The following TRUB1 variants were observed in gnomAD, a reference collection of about 807,000 sequenced individuals.
TRUB1 encodes TruB pseudouridine synthase family member 1, also known as pseudouridylate synthase TRUB1.
TRUB1 carries 23 observed loss-of-function variants against 33.9 expected under a neutral mutation model. The observed-to-expected ratio is 0.68, with a 90% CI of 0.49 to 0.96. The LOEUF is 0.96. Ranked by LOEUF, TRUB1 falls within the 40% of genes least tolerant of loss-of-function variation. The pLI is 0.00. For missense variants in TRUB1, 378 were observed against 422.2 expected (o/e 0.90, Z 0.92); for synonymous variants, 163 against 165.4 (o/e 0.99, Z 0.11).
rs539564483 is a variant in TRUB1 at position 114,962,822 on chromosome 10, A to G, written c.523+3015A>G. ...GTGTATTTTTGGTGTGGTATACGGC[A>G]TACAGAATGACATATATGACATATA... On this transcript the variant is annotated intron_variant, in intron 4 of 7. Transcript: ENST00000298746. Among the ~76,000 whole-genome samples, 525 of 152,322 alleles carry G rather than the reference A, an allele frequency of 3.4e-3. 4 individuals carry two copies. The highest frequency in any genetic ancestry group is 0.012 in the African/African-American group (507 of 41,578).
intron 4 of TRUB1, among the ~76,000 whole-genome samples, chr10:114,965,192 G>A (rs968584329): frequency 6.6e-5 from 10 of 151,928 alleles, no homozygotes; most frequent in Non-Finnish European, 1.3e-4. Flanking sequence ...GCCTCCCAAA[G>A]TGCTGAGATT....
chr10:114,957,288 T>C (rs1203435240), intron 3 of TRUB1, among the ~76,000 whole-genome samples: 1 of 152,178 alleles, frequency 6.6e-6, no homozygotes, highest in Non-Finnish European at 1.5e-5. Context: ...ATGTGTGATA[T>C]GAGAGCTCAG....
intron 4 of TRUB1, among the ~76,000 whole-genome samples, chr10:114,960,502 A>G (rs568141721): frequency 7.4e-4 from 113 of 152,288 alleles, no homozygotes; most frequent in Non-Finnish European, 5.3e-4. Context: ...TCTCTTAGTC[A>G]TAGGCAAGCC....
At chr10:114,964,501 G>A (rs550973226) in intron 4 of TRUB1, among the ~76,000 whole-genome samples, 2 of 151,994 alleles carry the variant, frequency 1.3e-5, no homozygotes, top group East Asian at 3.9e-4. Context: ...TTCCTCTCTT[G>A]TCTTTTGAAA....
chr10:114,968,693 CTGTT>C (rs1260955239), intron 4 of TRUB1, among the ~76,000 whole-genome samples: 1 of 152,300 alleles, frequency 6.6e-6, no homozygotes, highest in Admixed American at 6.5e-5. Context: ...GCTCTTCTGT[CTGTT>C]TGAGTCTAGT....
Position 114,975,924 on chromosome 10 carries a change from GTGTT to G in TRUB1, c.*551_*554del, listed in dbSNP as rs1327501121. 1 of 152,290 alleles carries G rather than the reference GTGTT, an allele frequency of 6.6e-6. No individual in the cohort carries two copies. Among genetic ancestry groups the G allele is most frequent in the Admixed American group, 6.6e-5 (1 of 15,250 alleles). 9.4% of individuals were successfully genotyped at this position (152,290 alleles called of 1,614,324 possible). A position where few individuals can be genotyped will look rare whatever the true frequency, so the allele number is the denominator to read the frequency against. On this transcript the variant is annotated 3_prime_UTR_variant, in exon 8 of 8. Transcript: ENST00000298746. ...AAATGGCCATCATCTAGTAATACCT[GTGTT>G]TGTTTAGATCTTGGAAATGAATAAG...
In TRUB1 at chr10:114,959,955, C is replaced by T. The variant is rs142971518; in HGVS notation, c.523+148C>T. On this transcript the variant is annotated intron_variant, in intron 4 of 7. Coordinates refer to ENST00000298746, the MANE Select transcript of TRUB1 (RefSeq NM_139169.5). ...GCTAAGAAGATTGGAAATTGTTTATCGCATTGTTGCTTACTTGATAGGAGT... is the reference window on the plus strand; with the variant it reads ...GCTAAGAAGATTGGAAATTGTTTATTGCATTGTTGCTTACTTGATAGGAGT... 2.9e-4 allele frequency: 171 copies of T among 585,882 alleles called. No individual in the cohort carries two copies. In the African/African-American group the frequency reaches 2.9e-3, roughly 10 times the overall value. 36.3% of individuals were successfully genotyped at this position (585,882 alleles called of 1,614,324 possible).
rs994817524 is a variant in TRUB1, at chr10:114,977,301, T to G, written c.*1922T>G. ...AGGCACCTATACTTTTAAATTGACT[T>G]TTTCATTTGATATTATCTATATGTA... is the stretch of plus-strand genomic sequence containing the variant. On this transcript the variant is annotated 3_prime_UTR_variant, in exon 8 of 8. Coordinates refer to ENST00000298746, the MANE Select transcript of TRUB1 (RefSeq NM_139169.5). The G allele has an allele frequency of 1.3e-5, 2 of 152,056 alleles. No homozygotes were observed. Among genetic ancestry groups the G allele is most frequent in the African/African-American group, 4.8e-5 (2 of 41,450 alleles). The allele number at this position is 152,056 out of a possible 1,614,324, so 9.4% of individuals were successfully genotyped here.
chr10:114,954,457 C>T (rs997756834), intron 3 of TRUB1, among the ~76,000 whole-genome samples: 1 of 152,128 alleles, frequency 6.6e-6, no homozygotes, highest in Non-Finnish European at 1.5e-5. Context: ...AATCTTTAGG[C>T]CATCACATTA....
At chr10:114,959,945 A>G in intron 4 of TRUB1, 138 bp downstream of exon 4, 1 of 604,946 alleles carries the variant, frequency 1.7e-6, no homozygotes, top group Non-Finnish European at 2.9e-6. Context: ...GAAGATTGGA[A>G]ATTGTTTATC....
chr10:114,955,562 C>T (rs1341688919), intron 3 of TRUB1, among the ~76,000 whole-genome samples: 1 of 152,262 alleles, frequency 6.6e-6, no homozygotes, highest in Middle Eastern at 3.4e-3. Context: ...GTATCCCCCT[C>T]CAGTAGTTAA....
rs780505544 is a variant in TRUB1 at position 114,942,794 on chromosome 10, A to G, written c.385+51A>G. The G allele has an allele frequency of 1.2e-5, 14 of 1,187,574 alleles. No homozygotes were observed. In the Admixed American group the frequency reaches 2.4e-4, roughly 20 times the overall value. 73.6% of individuals were successfully genotyped at this position (1,187,574 alleles called of 1,614,324 possible). A position where few individuals can be genotyped will look rare whatever the true frequency, so the allele number is the denominator to read the frequency against. The stretch of plus-strand genomic sequence containing the variant: ...TGTCCACTGTCACTTAATATCAGAA[A>G]GAAACACTGGTTGAGAACAGATAGA... On this transcript the variant is annotated intron_variant, in intron 2 of 7. Transcript: ENST00000298746.
At chr10:114,947,228 T>G (rs1347068378) in intron 2 of TRUB1, among the ~76,000 whole-genome samples, 1 of 151,966 alleles carries the variant, frequency 6.6e-6, no homozygotes. Context: ...GATTCTCCCC[T>G]AGCACCTCCA....
At chr10:114,957,235 CAG>C (rs1409440375) in intron 3 of TRUB1, among the ~76,000 whole-genome samples, 4 of 152,184 alleles carry the variant, frequency 2.6e-5, no homozygotes, top group Admixed American at 2.0e-4. Context: ...ACTTGGAAAA[CAG>C]TGAATATCTC....
Position 114,977,060 on chromosome 10 carries a change from A to G in TRUB1, c.*1681A>G, listed in dbSNP as rs1442132295. On this transcript the variant is annotated 3_prime_UTR_variant, in exon 8 of 8. Coordinates refer to ENST00000298746, the MANE Select transcript of TRUB1 (RefSeq NM_139169.5). Reference sequence around the variant, plus strand: ...AACACATCAGAGGTATTTCTGCTGTATTTTTCACCTTAAAAATTGACACAG... The same window carrying G: ...AACACATCAGAGGTATTTCTGCTGTGTTTTTCACCTTAAAAATTGACACAG... 1 of 152,090 alleles carries G rather than the reference A, an allele frequency of 6.6e-6. No homozygotes were observed. Among genetic ancestry groups the G allele is most frequent in the East Asian group, 1.9e-4 (1 of 5,194 alleles). 9.4% of individuals were successfully genotyped at this position (152,090 alleles called of 1,614,324 possible). A position where few individuals can be genotyped will look rare whatever the true frequency, so the allele number is the denominator to read the frequency against.
At chr10:114,938,752 C>A (rs1160031073) in intron 1 of TRUB1, among the ~76,000 whole-genome samples, 1 of 152,156 alleles carries the variant, frequency 6.6e-6, no homozygotes, top group Non-Finnish European at 1.5e-5. Context: ...TAGTTCTCAA[C>A]GGGAGGAAAA....
chr10:114,952,512 GATAGATAC>G (rs1425822013), intron 3 of TRUB1, among the ~76,000 whole-genome samples: 1 of 152,110 alleles, frequency 6.6e-6, no homozygotes, highest in African/African-American at 2.4e-5. Context: ...TAGGTAGGTA[GATAGATAC>G]ATAGATACAT....
At chr10:114,960,632 A>T (rs2084281145) in intron 4 of TRUB1, among the ~76,000 whole-genome samples, 1 of 152,096 alleles carries the variant, frequency 6.6e-6, no homozygotes, top group South Asian at 2.1e-4. Flanking sequence ...GTTAACATTT[A>T]TATGTAGCTT....
At chr10:114,967,926 T>A (rs2084317884) in intron 4 of TRUB1, among the ~76,000 whole-genome samples, 1 of 152,158 alleles carries the variant, frequency 6.6e-6, no homozygotes, top group African/African-American at 2.4e-5. Context: ...TTGGCCTAGG[T>A]GACTTTTAAA....
Sources: allele counts gnomAD v4.1 joint callset (sites outside exome capture counted in the v4.1 genomes callset), GRCh38; gene constraint gnomAD v4.1.1; transcripts MANE v1.5; gene names NCBI Gene and HGNC (gene_info 2026-07-23, HGNC 2026-07-21).